PUM1: variants seen among roughly 807,000 people sequenced by gnomAD.
PUM1 encodes pumilio RNA binding family member 1, also known as pumilio homolog 1.
PUM1 carries 13 observed loss-of-function variants against 131.8 expected under a neutral mutation model. The observed-to-expected ratio is 0.10, with a 90% CI of 0.06 to 0.16. The LOEUF is 0.16. Among genes scored for constraint, PUM1 ranks in the 10% least tolerant of loss-of-function variants. The pLI is 1.00. For missense variants in PUM1, 961 were observed against 1,512.4 expected, an observed-to-expected ratio of 0.64 and a Z score of 6.05; for synonymous variants, 509 against 556.5, an observed-to-expected ratio of 0.91 and a Z score of 1.20.
At chr1:30,976,988 CAGGT>C (rs764558069) in intron 9 of PUM1, among the ~76,000 whole-genome samples, 2 of 152,148 alleles carry the variant, frequency 1.3e-5, no homozygotes, top group Non-Finnish European at 2.9e-5. Context: ...AATGGGTAAA[CAGGT>C]AGAGTGTTCC....
intron 3 of PUM1, among the ~76,000 whole-genome samples, chr1:31,013,930 A>T (rs905881889): frequency 6.6e-6 from 1 of 152,226 alleles, no homozygotes; most frequent in African/African-American, 2.4e-5. Context: ...TTATTAAAAC[A>T]TATCTTTAAG....
At chr1:30,966,370 GCTGC>G (rs1640620477) in intron 12 of PUM1, 92 bp from the exon 13 acceptor site, 1 of 1,262,618 alleles carries the variant, frequency 7.9e-7, no homozygotes. Flanking sequence ...ATCTTTTAAT[GCTGC>G]CTATCTTTTC....
Position 31,065,634 on chromosome 1 carries a change from A to C in PUM1, c.-30T>G. 1 of 1,548,930 alleles carries C rather than the reference A, an allele frequency of 6.5e-7. No homozygotes were observed. Among genetic ancestry groups the C allele is most frequent in the Non-Finnish European group, 8.7e-7 (1 of 1,146,786 alleles). On this transcript the variant is annotated 5_prime_UTR_variant, in exon 1 of 22. Coordinates refer to ENST00000426105, the MANE Select transcript of PUM1 (RefSeq NM_001020658.2). ...TACTCACGGGCGGAGCGGTAGGATGAAGATGGATTTCAGCCCCCCGATCTT... is the reference window on the plus strand; with the variant it reads ...TACTCACGGGCGGAGCGGTAGGATGCAGATGGATTTCAGCCCCCCGATCTT...
chr1:31,044,294 G>T (rs1242962387), intron 2 of PUM1, among the ~76,000 whole-genome samples: 1 of 152,062 alleles, frequency 6.6e-6, no homozygotes, highest in African/African-American at 2.4e-5. Context: ...CCAGCTACTC[G>T]GGAGGCTGAG....
Position 30,933,127 on chromosome 1 carries a change from A to G in PUM1, c.*84T>C. ...ACCACTTGCCCGTCTCAGACTCTACACTAGAACATTTCTGGTTGCTGGTTG... is the reference window on the plus strand; with the variant it reads ...ACCACTTGCCCGTCTCAGACTCTACGCTAGAACATTTCTGGTTGCTGGTTG... On this transcript the variant is annotated 3_prime_UTR_variant, in exon 22 of 22. Transcript: ENST00000426105. The G allele has an allele frequency of 1.3e-6, 2 of 1,510,994 alleles. No homozygotes were observed. The highest frequency in any genetic ancestry group is 1.8e-6 in the Non-Finnish European group (2 of 1,118,906). The allele number at this position is 1,510,994 out of a possible 1,614,324, so 93.6% of individuals were successfully genotyped here.
chr1:30,973,321 G>A (rs1202068431), intron 10 of PUM1, among the ~76,000 whole-genome samples: 2 of 150,466 alleles, frequency 1.3e-5, no homozygotes, highest in Non-Finnish European at 2.9e-5. Flanking sequence ...ATTCTTGTTT[G>A]GATCATTTAA....
At chr1:31,038,977 TATA>T (rs1177025675) in intron 2 of PUM1, among the ~76,000 whole-genome samples, 7 of 38,960 alleles carry the variant, frequency 1.8e-4, no homozygotes, top group African/African-American at 9.0e-4. Flanking sequence ...TATATATATA[TATA>T]TATATTTTTT....
rs1486321140 is a variant in PUM1 at position 30,976,628 on chromosome 1, T to A, written c.1355-1826A>T. On this transcript the variant is annotated intron_variant, in intron 9 of 21. Transcript: ENST00000426105. ...TGTTTTGACATTTCTAATTTGGTGT[T>A]TTCTATACCTGTGGGCTTAGAAAAG... Among the ~76,000 whole-genome samples the A allele has an allele frequency of 2.6e-5, 4 of 152,202 alleles. No individual in the cohort carries two copies. The East Asian group carries it at 7.7e-4, about 29-fold the overall frequency.
At chr1:30,976,529 CAT>C (rs1253283544) in intron 9 of PUM1, among the ~76,000 whole-genome samples, 1 of 152,192 alleles carries the variant, frequency 6.6e-6, no homozygotes, top group Non-Finnish European at 1.5e-5. Context: ...TAAATAGACA[CAT>C]ATTCTTGTTT....
chr1:30,962,070 G>A (rs1195021913), intron 14 of PUM1, among the ~76,000 whole-genome samples: 1 of 152,166 alleles, frequency 6.6e-6, no homozygotes, highest in South Asian at 2.1e-4. Context: ...CTGAGCTGAG[G>A]CAAAGCTGTA....
Position 30,936,807 on chromosome 1 carries a change from C to G in PUM1, c.3271G>C (p.Ala1091Pro), listed in dbSNP as rs1639226798. Residue 1091 changes from alanine (A) to proline (P), a missense_variant, in exon 21 of 22, where the codon GCC (alanine) becomes CCC (proline). Physicochemically the swap from Ala to Pro is conservative, Grantham distance 27. Around this residue, in one of 4 missense-constraint regions of PUM1, gnomAD observed 178 missense variants for 327.5 expected, o/e 0.54. Transcript: ENST00000426105. ...AGCACAGCGCGCTCCGTACGTGAGG[C>G]GTGAGTAACACACTTCTCCACAACA... ...SNVVEKCVTH[A>P]SRTERAVLID... 6.2e-7 allele frequency: 1 copy of G among 1,612,634 alleles called. No individual in the cohort carries two copies. The highest frequency in any genetic ancestry group is 1.3e-5 in the African/African-American group (1 of 74,874).
chr1:30,936,098 C>T lies in PUM1; in HGVS notation c.3435+545G>A, dbSNP rs1185313277. Among the ~76,000 whole-genome samples, 3 of 147,852 alleles carry T rather than the reference C, an allele frequency of 2.0e-5. No homozygotes were observed. In the East Asian group the frequency reaches 5.8e-4, roughly 29 times the overall value. On this transcript the variant is annotated intron_variant, in intron 21 of 21. Coordinates refer to ENST00000426105, the MANE Select transcript of PUM1 (RefSeq NM_001020658.2). ...TTTAGCCTTGCCTTCTCCTGCAAAG[C>T]CGGCCCTCAGGGACTCTGGGAAGGG...
rs564201849 is a variant in PUM1, at chr1:31,019,259, C to T, written c.432+9537G>A. 1.7e-4 allele frequency among the ~76,000 whole-genome samples: 26 copies of T among 152,158 alleles called. No homozygotes were observed. The South Asian group carries it at 2.9e-3, about 17-fold the overall frequency. ...CCCAGTTACTTGGGAGGCTGAGGCA[C>T]GAGAATCACTTAAACCCAGGAGATG... is the stretch of plus-strand genomic sequence containing the variant. On this transcript the variant is annotated intron_variant, in intron 3 of 21. Transcript: ENST00000426105.
chr1:30,998,849 A>G (rs1365925923), intron 5 of PUM1, among the ~76,000 whole-genome samples: 1 of 152,188 alleles, frequency 6.6e-6, no homozygotes, highest in African/African-American at 2.4e-5. Context: ...CAGCAGTATC[A>G]GGTTCAAGAT....
intron 10 of PUM1, among the ~76,000 whole-genome samples, chr1:30,972,272 G>A (rs1446133729): frequency 0.047 from 37 of 788 alleles, 1 homozygote; most frequent in South Asian, 0.1. Context: ...AGAAAAGAAG[G>A]GAAGGGAAGG....
chr1:30,958,971 G>A (rs1203152346), intron 14 of PUM1, among the ~76,000 whole-genome samples: 1 of 152,158 alleles, frequency 6.6e-6, no homozygotes, highest in Non-Finnish European at 1.5e-5. Flanking sequence ...GATTGAGAGA[G>A]AGATTTCACT....
intron 21 of PUM1, chr1:30,935,561 T>G (rs1639171598): frequency 2.4e-6 from 1 of 422,986 alleles, no homozygotes; most frequent in African/African-American, 2.0e-5. Context: ...TCCCTCTGCC[T>G]TCACCAGCAT....
chr1:30,964,826 A>C lies in PUM1; in HGVS notation c.2171T>G (p.Leu724Trp). ...SDLYKRTSSS[L>W]TPIGHSFYNG... is the part of the protein sequence containing the mutation. ...ATAAAAACTGTGTCCAATGGGGGTC[A>C]AGCTGCTCGATGTCCTCTTATAAAG... is the stretch of plus-strand genomic sequence containing the variant. The change falls in exon 14 of 22, where the codon TTG becomes TGG. Residue 724 changes from leucine (L) to tryptophan (W), a missense_variant. Physicochemically the swap from Leu to Trp is moderately conservative, Grantham distance 61. Coordinates refer to ENST00000426105, the MANE Select transcript of PUM1 (RefSeq NM_001020658.2). 6.2e-7 allele frequency: 1 copy of C among 1,614,184 alleles called. No homozygotes were observed. The highest frequency in any genetic ancestry group is 8.5e-7 in the Non-Finnish European group (1 of 1,180,026).
At chr1:31,019,086 C>A (rs1156661161) in intron 3 of PUM1, among the ~76,000 whole-genome samples, 5 of 152,152 alleles carry the variant, frequency 3.3e-5, no homozygotes, top group Non-Finnish European at 5.9e-5. Context: ...GGTGTGGTGG[C>A]TCATGCCTGT....
Sources: gnomAD v4.1 joint callset for allele counts (sites outside exome capture counted in the v4.1 genomes callset) on GRCh38, gnomAD v4.1.1 for gene constraint, gnomAD v4.1.1 regional missense constraint, MANE v1.5 for transcripts, NCBI Gene and HGNC (gene_info 2026-07-23, HGNC 2026-07-21) for gene names.